The following CLTC variants were observed in gnomAD, a reference collection of about 807,000 sequenced individuals.
CLTC encodes clathrin heavy chain 1.
A neutral mutation model predicts 195.8 loss-of-function variants in CLTC; 16 were observed. That is an observed-to-expected ratio of 0.08 (90% CI 0.06 to 0.12). The LOEUF (loss-of-function observed/expected upper bound fraction) is 0.12, where lower values mean the gene tolerates loss of function less well. Ranked by LOEUF, CLTC falls within the 10% of genes least tolerant of loss-of-function variation. CLTC has a pLI of 1.00. For synonymous variants in CLTC, 667 were observed against 689.4 expected (o/e 0.97, Z 0.51); for missense variants, 796 against 2,027.0 (o/e 0.39, Z 11.66).
Position 59,648,760 on chromosome 17 carries a change from T to C in CLTC, c.681+359T>C, listed in dbSNP as rs2032257038. ...CCCAGGCTGGAGTGCAGTGGCGCAGTCATGGGCTCACTGCAGCCTCGACCT... is the reference window on the plus strand; with the variant it reads ...CCCAGGCTGGAGTGCAGTGGCGCAGCCATGGGCTCACTGCAGCCTCGACCT... On this transcript the variant is annotated intron_variant, in intron 4 of 31. Transcript: ENST00000269122. The surrounding 1 kb of genome is among the most constrained non-coding windows in gnomAD (Gnocchi z 4.5). 1 of 177,866 alleles carries C rather than the reference T, an allele frequency of 5.6e-6. No individual in the cohort carries two copies. Among genetic ancestry groups the C allele is most frequent in the Non-Finnish European group, 1.2e-5 (1 of 83,518 alleles). 11.0% of individuals were successfully genotyped at this position (177,866 alleles called of 1,614,324 possible). A position where few individuals can be genotyped will look rare whatever the true frequency, so the allele number is the denominator to read the frequency against.
intron 1 of CLTC, among the ~76,000 whole-genome samples, chr17:59,633,589 A>G (rs2143463651): frequency 6.6e-6 from 1 of 152,348 alleles, no homozygotes; most frequent in African/African-American, 2.4e-5. Flanking sequence ...TATGCCTTAA[A>G]TGATTGATCT....
chr17:59,685,094 C>G lies in CLTC; in HGVS notation c.4473C>G (p.Asp1491Glu). 1 of 1,599,024 alleles carries G rather than the reference C, an allele frequency of 6.3e-7. No individual in the cohort carries two copies. The highest frequency in any genetic ancestry group is 8.5e-7 in the Non-Finnish European group (1 of 1,170,116). Residue 1491 changes from aspartate (D) to glutamate (E), a missense_variant, in exon 29 of 32, where the codon GAC becomes GAG. This residue lies in a region of CLTC where 148 missense variants were observed against 279.5 expected (regional missense o/e 0.53). Transcript: ENST00000269122. This position sits in a 1 kb window ranked among gnomAD's most constrained non-coding sequence, Gnocchi z 5.0. ...RTSIDAYDNF[D>E]NISLAQRLEK... ...CAATAGATGCTTATGACAACTTTGA[C>G]AATATCTCGCTTGCTCAGCGTTTGG...
At chr17:59,627,586 CGTTT>C (rs773977513) in intron 1 of CLTC, among the ~76,000 whole-genome samples, 3 of 152,100 alleles carry the variant, frequency 2.0e-5, no homozygotes, top group East Asian at 1.9e-4. Flanking sequence ...GTAGTACTGT[CGTTT>C]GTTTATCGTG....
In CLTC at chr17:59,682,766, A is replaced by G; in HGVS notation, c.3738A>G (p.Lys1246=). ...AGGCAGCTGTTGATGGGGCTAGGAA[A>G]GCTAACAGTACTCGAACATGGAAAG... ...EYQAAVDGAR[K]ANSTRTWKEV... The change falls in exon 23 of 32, where the codon AAA becomes AAG. Residue 1246 remains lysine, a synonymous_variant. Coordinates refer to ENST00000269122, the MANE Select transcript of CLTC (RefSeq NM_004859.4). The surrounding 1 kb of genome is among the most constrained non-coding windows in gnomAD (Gnocchi z 6.8). The G allele has an allele frequency of 6.2e-7, 1 of 1,614,108 alleles. No individual in the cohort carries two copies. The highest frequency in any genetic ancestry group is 1.1e-5 in the South Asian group (1 of 91,076).
intron 2 of CLTC, among the ~76,000 whole-genome samples, chr17:59,645,175 TTTG>T (rs2032157712): frequency 6.6e-6 from 1 of 152,214 alleles, no homozygotes; most frequent in Non-Finnish European, 1.5e-5. Flanking sequence ...ATTGCAGAAT[TTTG>T]TTATGATGAT....
chr17:59,631,484 T>C (rs1000156927), intron 1 of CLTC, among the ~76,000 whole-genome samples: 14 of 152,098 alleles, frequency 9.2e-5, no homozygotes, highest in African/African-American at 2.7e-4. Context: ...CTTTAGAAAA[T>C]TGTTGACATC....
At chr17:59,643,572 A>ATT (rs2032105159) in intron 1 of CLTC, among the ~76,000 whole-genome samples, 1 of 152,078 alleles carries the variant, frequency 6.6e-6, no homozygotes, top group Non-Finnish European at 1.5e-5. Context: ...GCCCTTGCTC[A>ATT]TTTCTCTAAC....
At position 59,695,184 on chromosome 17, in the gene CLTC, T is replaced by C; in HGVS notation, c.*1332T>C. The C allele has an allele frequency of 5.0e-6, 1 of 200,536 alleles. No homozygotes were observed. The highest frequency in any genetic ancestry group is 2.3e-5 in the African/African-American group (1 of 43,638). 12.4% of individuals were successfully genotyped at this position (200,536 alleles called of 1,614,324 possible). On this transcript the variant is annotated 3_prime_UTR_variant, in exon 32 of 32. Transcript: ENST00000269122. ...TGGGTATCTTGATTTTTTTCAAAAA[T>C]TGGTTGTGTGAATCCAGCTCTTGCT... is the stretch of plus-strand genomic sequence containing the variant.
In CLTC at chr17:59,695,838, A is replaced by T; in HGVS notation, c.*1986A>T. 1 of 88,722 alleles carries T rather than the reference A, an allele frequency of 1.1e-5. No individual in the cohort carries two copies. The highest frequency in any genetic ancestry group is 5.2e-5 in the African/African-American group (1 of 19,412). 5.5% of individuals were successfully genotyped at this position (88,722 alleles called of 1,614,324 possible). ...CAGTGCAAATATCAACACAGAGAAA[A>T]AAAAAATAATAATAGTATTATGAAA... is the stretch of plus-strand genomic sequence containing the variant. On this transcript the variant is annotated 3_prime_UTR_variant, in exon 32 of 32. Transcript: ENST00000269122.
chr17:59,669,599 A>T (rs749981655), intron 14 of CLTC, among the ~76,000 whole-genome samples: 54 of 152,150 alleles, frequency 3.5e-4, no homozygotes, highest in Non-Finnish European at 8.8e-5. Flanking sequence ...TTATTCTTGT[A>T]ACTGCCAGTT....
At position 59,619,967 on chromosome 17, in the gene CLTC, C is replaced by G; in HGVS notation, c.-165C>G. The G allele has an allele frequency of 1.6e-6, 1 of 622,188 alleles. No individual in the cohort carries two copies. The allele number at this position is 622,188 out of a possible 1,614,324, so 38.5% of individuals were successfully genotyped here. On this transcript the variant is annotated 5_prime_UTR_variant, in exon 1 of 32. Transcript: ENST00000269122. ...TCCTGGCCCCTGGAGCCTCCGCCCC[C>G]GACCCGAGCTCTTTCGTCTGCCTGC...
chr17:59,664,809 T>C lies in CLTC; in HGVS notation c.1544T>C (p.Ile515Thr), dbSNP rs1378138519. The change falls in exon 10 of 32, where the codon ATA (isoleucine) becomes ACA (threonine). Residue 515 changes from isoleucine to threonine, a missense_variant. This residue lies in a region of CLTC where 293 missense variants were observed against 795.6 expected (regional missense o/e 0.37). Transcript: ENST00000269122. The stretch of plus-strand genomic sequence containing the variant: ...TAGGTTGGATACACTCCAGATTGGA[T>C]ATTTCTGCTGAGAAATGTAATGCGA... ...AKKVGYTPDW[I>T]FLLRNVMRIS... is the part of the protein sequence containing the mutation. 3 of 1,614,084 alleles carry C rather than the reference T, an allele frequency of 1.9e-6. No individual in the cohort carries two copies. The South Asian group carries it at 3.3e-5, about 18-fold the overall frequency.
At chr17:59,657,020 T>C (rs1327738517) in intron 6 of CLTC, among the ~76,000 whole-genome samples, 1 of 152,204 alleles carries the variant, frequency 6.6e-6, no homozygotes, top group Non-Finnish European at 1.5e-5. Flanking sequence ...GTTAATTTTC[T>C]GAAAAATGGC....
intron 6 of CLTC, among the ~76,000 whole-genome samples, chr17:59,656,666 A>ATTTT (rs55669818): frequency 6.3e-4 from 61 of 96,186 alleles, no homozygotes; most frequent in South Asian, 1.1e-3. Flanking sequence ...TATTATTTTA[A>ATTTT]TTTTTTTTTT....
At chr17:59,622,849 CCCT>C (rs1478838212) in intron 1 of CLTC, among the ~76,000 whole-genome samples, 6 of 152,130 alleles carry the variant, frequency 3.9e-5, no homozygotes, top group Admixed American at 2.0e-4. Context: ...TATTTTTATA[CCCT>C]TTAACTACAT....
intron 1 of CLTC, among the ~76,000 whole-genome samples, chr17:59,620,831 A>G (rs2031351971): frequency 6.6e-6 from 1 of 152,028 alleles, no homozygotes; most frequent in Non-Finnish European, 1.5e-5. Context: ...GAGCTATGTC[A>G]ATCTCAGAGT....
chr17:59,657,644 T>A (rs1473698221), intron 6 of CLTC, among the ~76,000 whole-genome samples: 1 of 151,602 alleles, frequency 6.6e-6, no homozygotes, highest in African/African-American at 2.4e-5. Flanking sequence ...GGTGCATGCC[T>A]GTAATGCTAG....
rs2031766448 is a variant in CLTC, at chr17:59,633,012, A to G, written c.43-11264A>G. On this transcript the variant is annotated intron_variant, in intron 1 of 31. Coordinates refer to ENST00000269122, the MANE Select transcript of CLTC (RefSeq NM_004859.4). Reference sequence around the variant, plus strand: ...TGGATGCTCAATATGTATTAATTGAAAGCAAATCATGGTGGTTGTCATTTT... The same window carrying G: ...TGGATGCTCAATATGTATTAATTGAGAGCAAATCATGGTGGTTGTCATTTT... Among the ~76,000 whole-genome samples the G allele has an allele frequency of 3.3e-5, 5 of 152,162 alleles. No homozygotes were observed. In the South Asian group the frequency reaches 1.0e-3, roughly 32 times the overall value.
chr17:59,645,939 A>T, intron 2 of CLTC: 1 of 456,818 alleles, frequency 2.2e-6, no homozygotes, highest in Non-Finnish European at 2.9e-6. Context: ...CCATCATTTT[A>T]ATTTTGCCAA....
Sources: gnomAD v4.1 joint callset for allele counts (sites outside exome capture counted in the v4.1 genomes callset) on GRCh38, gnomAD v4.1.1 for gene constraint, gnomAD v4.1.1 regional missense constraint, Gnocchi (gnomAD v3.1) non-coding constraint, MANE v1.5 for transcripts, NCBI Gene and HGNC (gene_info 2026-07-23, HGNC 2026-07-21) for gene names.